Variants in MALRD1 observed in about 807,000 individuals in gnomAD.
The protein encoded by MALRD1 is MAM and LDL receptor class A domain containing 1, also known as MAM and LDL-receptor class A domain-containing protein 1.
In MALRD1, 247 loss-of-function variants were observed where a neutral mutation model predicts 242.1. The ratio of observed to expected loss-of-function variants is 1.02; its 90% CI spans 0.92 to 1.13. The LOEUF (loss-of-function observed/expected upper bound fraction) is 1.13, where lower values mean the gene tolerates loss of function less well. MALRD1 is among the 50% of genes most tolerant of loss of function. MALRD1 has a pLI of 0.00. For synonymous variants in MALRD1, 995 were observed against 866.6 expected (o/e 1.15, Z -2.60); for missense variants, 2,989 against 2,533.1 (o/e 1.18, Z -3.86).
Position 19,329,723 on chromosome 10 carries a change from T to A in MALRD1, c.3688-1646T>A, listed in dbSNP as rs549823532. The stretch of plus-strand genomic sequence containing the variant: ...CTGCCATGCTACATTGTCTACCAAA[T>A]TTTAGAAAATAATTAACCCTGACTA... On this transcript the variant is annotated intron_variant, in intron 23 of 39. Coordinates refer to ENST00000454679, the MANE Select transcript of MALRD1 (RefSeq NM_001142308.3). 3.9e-5 allele frequency among the ~76,000 whole-genome samples: 6 copies of A among 152,294 alleles called. No individual in the cohort carries two copies. The South Asian group carries it at 8.3e-4, about 21-fold the overall frequency.
chr10:19,645,791 A>C (rs558851777), intron 36 of MALRD1, among the ~76,000 whole-genome samples: 1 of 152,176 alleles, frequency 6.6e-6, no homozygotes, highest in Admixed American at 6.5e-5. Flanking sequence ...TGACGAGTTA[A>C]TGGGTGCAGC....
chr10:19,123,201 T>A (rs1231122142), intron 5 of MALRD1, among the ~76,000 whole-genome samples: 1 of 152,198 alleles, frequency 6.6e-6, no homozygotes, highest in African/African-American at 2.4e-5. Context: ...TATGAAGGAT[T>A]GGCTTTGGGG....
Position 19,104,003 on chromosome 10 carries a change from T to G in MALRD1, c.622T>G (p.Ser208Ala). ...GGTTGTTTTTGAAGGTCAAATGGCTTCAACGTATGAACAGGATGAAGTCAT... is the reference window on the plus strand; with the variant it reads ...GGTTGTTTTTGAAGGTCAAATGGCTGCAACGTATGAACAGGATGAAGTCAT... ...FQVVFEGQMASTYEQDEVIAI... is the reference protein window; with the variant it reads ...FQVVFEGQMAATYEQDEVIAI... Residue 208 changes from serine to alanine, a missense_variant, in exon 5 of 40, where the codon TCA becomes GCA. By Grantham distance (99) the Ser-to-Ala change is moderately conservative. Coordinates refer to ENST00000454679, the MANE Select transcript of MALRD1 (RefSeq NM_001142308.3). The G allele has an allele frequency of 8.1e-7, 1 of 1,233,882 alleles. No individual in the cohort carries two copies. Among genetic ancestry groups the G allele is most frequent in the Non-Finnish European group, 1.0e-6 (1 of 988,138 alleles). 76.4% of individuals were successfully genotyped at this position (1,233,882 alleles called of 1,614,324 possible). A position where few individuals can be genotyped will look rare whatever the true frequency, so the allele number is the denominator to read the frequency against.
chr10:19,560,501 A>G (rs934424545), intron 32 of MALRD1, among the ~76,000 whole-genome samples: 1 of 152,080 alleles, frequency 6.6e-6, no homozygotes, highest in Non-Finnish European at 1.5e-5. Flanking sequence ...ATAAATAAAG[A>G]CACATGCACA....
At chr10:19,579,843 T>C (rs141196761) in intron 33 of MALRD1, among the ~76,000 whole-genome samples, 14 of 152,302 alleles carry the variant, frequency 9.2e-5, no homozygotes, top group Middle Eastern at 3.4e-3. Flanking sequence ...GGAATGTATT[T>C]AATAATACTG....
At chr10:19,080,699 T>C (rs908765892) in intron 2 of MALRD1, among the ~76,000 whole-genome samples, 3 of 151,842 alleles carry the variant, frequency 2.0e-5, no homozygotes, top group Middle Eastern at 3.2e-3. Context: ...ATTCATGACA[T>C]AGACACAAGC....
chr10:19,697,433 C>G (rs1452361256), intron 38 of MALRD1, among the ~76,000 whole-genome samples: 17 of 148,880 alleles, frequency 1.1e-4, no homozygotes, highest in Non-Finnish European at 1.5e-5. Context: ...TAATTAAAGT[C>G]AACTGATTAT....
At chr10:19,208,352 T>C (rs1231791637) in intron 17 of MALRD1, among the ~76,000 whole-genome samples, 1 of 152,004 alleles carries the variant, frequency 6.6e-6, no homozygotes, top group Non-Finnish European at 1.5e-5. Context: ...TTAGAATATG[T>C]GGGGAAGATG....
intron 32 of MALRD1, among the ~76,000 whole-genome samples, chr10:19,539,329 A>G (rs746436505): frequency 2.0e-5 from 3 of 152,132 alleles, no homozygotes; most frequent in South Asian, 2.1e-4. Context: ...TCTCTACTCT[A>G]TCCTTATAAC....
chr10:19,437,329 G>A (rs1377673449), intron 28 of MALRD1, among the ~76,000 whole-genome samples: 6 of 151,768 alleles, frequency 4.0e-5, no homozygotes, highest in Non-Finnish European at 8.8e-5. Context: ...TATATTTAAT[G>A]TTTCAGTTGC....
chr10:19,371,259 A>G (rs1158587861), intron 26 of MALRD1, among the ~76,000 whole-genome samples: 3 of 152,084 alleles, frequency 2.0e-5, no homozygotes, highest in South Asian at 2.1e-4. Flanking sequence ...TTAAAAAACA[A>G]AAGAAAAGAA....
At chr10:19,562,297 GTAGA>G (rs78473002) in intron 32 of MALRD1, among the ~76,000 whole-genome samples, 30,312 of 144,590 alleles carry the variant, frequency 0.21, 3,250 homozygotes, top group Middle Eastern at 0.27. Flanking sequence ...GCTGTCTTAG[GTAGA>G]TAGATAGATA....
chr10:19,238,089 T>C (rs373874066), intron 18 of MALRD1, among the ~76,000 whole-genome samples: 16 of 338 alleles, frequency 0.047, 2 homozygotes, highest in Non-Finnish European at 0.078. Context: ...ATATATTATA[T>C]ATAATATATA....
intron 7 of MALRD1, among the ~76,000 whole-genome samples, chr10:19,126,544 C>T (rs1414608103): frequency 6.6e-6 from 1 of 151,752 alleles, no homozygotes. Context: ...TGTATACTTG[C>T]TAATATTTTC....
At chr10:19,597,999 G>A (rs1345156726) in intron 34 of MALRD1, among the ~76,000 whole-genome samples, 1 of 152,142 alleles carries the variant, frequency 6.6e-6, no homozygotes, top group East Asian at 1.9e-4. Context: ...AATGTAGAAA[G>A]AATCCTGGAG....
chr10:19,360,099 T>C (rs1844825714), intron 26 of MALRD1, among the ~76,000 whole-genome samples: 1 of 152,078 alleles, frequency 6.6e-6, no homozygotes, highest in Non-Finnish European at 1.5e-5. Context: ...TAATGGGAAA[T>C]TGCCTCTAGG....
chr10:19,594,244 C>T (rs571802824), intron 33 of MALRD1, among the ~76,000 whole-genome samples: 1 of 152,246 alleles, frequency 6.6e-6, no homozygotes, highest in South Asian at 2.1e-4. Context: ...AAAATTTCTT[C>T]TTTAATTTGA....
rs115270828 is a variant in MALRD1, at chr10:19,060,898, T to G, written c.200-5821T>G. Among the ~76,000 whole-genome samples the G allele has an allele frequency of 7.6e-3, 1,164 of 152,290 alleles. 13 individuals are homozygous for G. The highest frequency in any genetic ancestry group is 0.026 in the African/African-American group (1,101 of 41,566). On this transcript the variant is annotated intron_variant, in intron 1 of 39. Coordinates refer to ENST00000454679, the MANE Select transcript of MALRD1 (RefSeq NM_001142308.3). The stretch of plus-strand genomic sequence containing the variant: ...TGGAATCAGCCTAAATGCCCATCAA[T>G]GACAGACTGGATTAAGAAAATGTGA...
intron 21 of MALRD1, among the ~76,000 whole-genome samples, chr10:19,311,320 G>A (rs1035477452): frequency 9.3e-5 from 14 of 151,340 alleles, no homozygotes; most frequent in African/African-American, 3.1e-4. Context: ...ACAGAAAAAT[G>A]TCTTGAGCTA....
Sources: gnomAD v4.1 joint callset for allele counts (sites outside exome capture counted in the v4.1 genomes callset) on GRCh38, gnomAD v4.1.1 for gene constraint, MANE v1.5 for transcripts, NCBI Gene and HGNC (gene_info 2026-07-23, HGNC 2026-07-21) for gene names.